Variants in RABGAP1L observed in about 807,000 individuals in gnomAD.
RABGAP1L encodes the protein RAB GTPase activating protein 1 like.
A neutral mutation model predicts 137.7 loss-of-function variants in RABGAP1L; 63 were observed. The ratio of observed to expected loss-of-function variants is 0.46; its 90% CI spans 0.37 to 0.56. RABGAP1L has a LOEUF of 0.56. Among genes scored for constraint, RABGAP1L ranks in the 20% least tolerant of loss-of-function variants. The pLI is 0.00. For missense variants in RABGAP1L, 1,095 were observed against 1,244.0 expected, an observed-to-expected ratio of 0.88 and a Z score of 1.80; for synonymous variants, 431 against 433.7, an observed-to-expected ratio of 0.99 and a Z score of 0.08.
intron 15 of RABGAP1L, among the ~76,000 whole-genome samples, chr1:174,695,433 G>T (rs1301623597): frequency 6.6e-6 from 1 of 151,874 alleles, no homozygotes; most frequent in African/African-American, 2.4e-5. Context: ...GAATTTTTTA[G>T]CTTCAGAATT....
At chr1:174,711,665 G>T (rs765297899) in intron 17 of RABGAP1L, among the ~76,000 whole-genome samples, 3 of 152,210 alleles carry the variant, frequency 2.0e-5, no homozygotes, top group African/African-American at 7.2e-5. Context: ...AGCCTGCCGT[G>T]CCCGAGTGCC....
intron 13 of RABGAP1L, among the ~76,000 whole-genome samples, chr1:174,637,130 C>G (rs2148341136): frequency 6.6e-6 from 1 of 152,218 alleles, no homozygotes; most frequent in African/African-American, 2.4e-5. Context: ...CATCCCTGCC[C>G]CTTCTCCCCA....
intron 4 of RABGAP1L, among the ~76,000 whole-genome samples, chr1:174,231,781 C>T (rs1472104280): frequency 6.6e-6 from 1 of 152,068 alleles, no homozygotes; most frequent in Non-Finnish European, 1.5e-5. Context: ...GGAGGTGCCA[C>T]ACGCTTTTAA....
At chr1:174,274,754 G>A (rs1485276587) in intron 8 of RABGAP1L, among the ~76,000 whole-genome samples, 1 of 151,792 alleles carries the variant, frequency 6.6e-6, no homozygotes, top group African/African-American at 2.4e-5. Context: ...CTGCGCTCAA[G>A]CTACACAATC....
chr1:174,955,998 A>G (rs1668466013), intron 19 of RABGAP1L, among the ~76,000 whole-genome samples: 1 of 152,216 alleles, frequency 6.6e-6, no homozygotes, highest in Non-Finnish European at 1.5e-5. Flanking sequence ...TAGATTTAAT[A>G]TGTATTATGG....
At chr1:174,222,704 A>G (rs1669851977) in intron 3 of RABGAP1L, among the ~76,000 whole-genome samples, 1 of 152,242 alleles carries the variant, frequency 6.6e-6, no homozygotes. Flanking sequence ...CTATCACCAT[A>G]GCTCTTTGAC....
At chr1:174,650,003 G>A (rs761029257) in intron 14 of RABGAP1L, among the ~76,000 whole-genome samples, 37 of 152,158 alleles carry the variant, frequency 2.4e-4, no homozygotes, top group African/African-American at 7.2e-4. Context: ...TTTGAGATAC[G>A]TCCCATCAAT....
intron 15 of RABGAP1L, among the ~76,000 whole-genome samples, chr1:174,686,022 GA>G (rs1678433239): frequency 2.0e-5 from 3 of 152,322 alleles, no homozygotes; most frequent in Admixed American, 6.5e-5. Flanking sequence ...AGAATGAATA[GA>G]GTAAGAAGAT....
chr1:174,497,112 T>C (rs1159666205), intron 13 of RABGAP1L, among the ~76,000 whole-genome samples: 1 of 152,220 alleles, frequency 6.6e-6, no homozygotes, highest in Non-Finnish European at 1.5e-5. Context: ...TATGGCAACA[T>C]ACACAAGTTT....
At chr1:174,676,055 A>G (rs1677599418) in intron 14 of RABGAP1L, among the ~76,000 whole-genome samples, 1 of 152,152 alleles carries the variant, frequency 6.6e-6, no homozygotes. Flanking sequence ...GATTTACCAC[A>G]TATCTGTAAT....
At chr1:174,380,255 T>G (rs1481480513) in intron 12 of RABGAP1L, among the ~76,000 whole-genome samples, 2 of 152,198 alleles carry the variant, frequency 1.3e-5, no homozygotes, top group Non-Finnish European at 2.9e-5. Context: ...TTCTCTTTTT[T>G]GGTTGTGTCT....
intron 18 of RABGAP1L, among the ~76,000 whole-genome samples, chr1:174,753,032 A>G (rs1202150432): frequency 6.6e-6 from 1 of 152,204 alleles, no homozygotes; most frequent in Non-Finnish European, 1.5e-5. Flanking sequence ...TTTCCTCAGT[A>G]TAACATGGTG....
At chr1:174,562,821 A>T (rs1667313270) in intron 13 of RABGAP1L, among the ~76,000 whole-genome samples, 1 of 152,098 alleles carries the variant, frequency 6.6e-6, no homozygotes, top group Admixed American at 6.6e-5. Context: ...ACAGGGACAC[A>T]GGGAGGAGAA....
intron 11 of RABGAP1L, among the ~76,000 whole-genome samples, chr1:174,349,435 A>T (rs867256570): frequency 1.8e-5 from 1 of 56,630 alleles, no homozygotes; most frequent in African/African-American, 8.2e-5. Flanking sequence ...CTCCCGGACG[A>T]GGCGGCTGGC....
intron 13 of RABGAP1L, among the ~76,000 whole-genome samples, chr1:174,588,226 T>C (rs1196873974): frequency 6.6e-6 from 1 of 151,610 alleles, no homozygotes; most frequent in Non-Finnish European, 1.5e-5. Flanking sequence ...TGTAGTGGCA[T>C]GATCTTGGCT....
At chr1:174,390,701 T>C (rs996631048) in intron 12 of RABGAP1L, among the ~76,000 whole-genome samples, 62 of 152,092 alleles carry the variant, frequency 4.1e-4, no homozygotes, top group Middle Eastern at 3.4e-3. Flanking sequence ...TTTGTAGAGG[T>C]TGAGAAAATA....
At chr1:174,752,678 GCTTTTTTCTTAAAACACTTTTTA>G (rs913451715) in intron 18 of RABGAP1L, among the ~76,000 whole-genome samples, 71 of 152,102 alleles carry the variant, frequency 4.7e-4, no homozygotes, top group African/African-American at 1.7e-3. Context: ...AATGATGCCT[GCTTTTTTCTTAAAACACTTTTTA>G]CTATAACATC....
intron 11 of RABGAP1L, among the ~76,000 whole-genome samples, chr1:174,353,290 C>T (rs1683352131): frequency 6.6e-6 from 1 of 152,152 alleles, no homozygotes; most frequent in Admixed American, 6.5e-5. Context: ...ACAAAGTCCT[C>T]TTTACTCTCC....
intron 13 of RABGAP1L, among the ~76,000 whole-genome samples, chr1:174,571,937 A>G (rs1335528483): frequency 6.6e-6 from 1 of 152,224 alleles, no homozygotes. Flanking sequence ...AGTTTAAGTT[A>G]TCCTAAATCT....
Sources: gnomAD v4.1 joint callset for allele counts (sites outside exome capture counted in the v4.1 genomes callset) on GRCh38, gnomAD v4.1.1 for gene constraint, MANE v1.5 for transcripts, NCBI Gene and HGNC (gene_info 2026-07-23, HGNC 2026-07-21) for gene names.